SORCS3: variants seen among roughly 807,000 people sequenced by gnomAD.
The protein encoded by SORCS3 is VPS10 domain-containing receptor SorCS3.
SORCS3 carries 57 observed loss-of-function variants against 146.3 expected under a neutral mutation model. That is an observed-to-expected ratio of 0.39 (90% CI 0.31 to 0.49). The LOEUF (loss-of-function observed/expected upper bound fraction) is 0.49, where lower values mean the gene tolerates loss of function less well. Ranked by LOEUF, SORCS3 falls within the 20% of genes least tolerant of loss-of-function variation. The pLI, the probability that SORCS3 is intolerant of heterozygous loss-of-function variation, is 0.92. For missense variants in SORCS3, 1,341 were observed against 1,575.5 expected, an observed-to-expected ratio of 0.85 and a Z score of 2.52; for synonymous variants, 653 against 618.5, an observed-to-expected ratio of 1.06 and a Z score of -0.83.
chr10:105,132,878 C>T (rs2056031622), intron 7 of SORCS3, among the ~76,000 whole-genome samples: 1 of 152,182 alleles, frequency 6.6e-6, no homozygotes, highest in Non-Finnish European at 1.5e-5. Flanking sequence ...TAAAAGGTGT[C>T]ACCGAAAGGA....
At chr10:105,075,027 C>T (rs2133729218) in intron 5 of SORCS3, among the ~76,000 whole-genome samples, 1 of 152,278 alleles carries the variant, frequency 6.6e-6, no homozygotes, top group African/African-American at 2.4e-5. Context: ...CTTTTTCTTT[C>T]TTCTCCAGAA....
chr10:104,727,763 G>A (rs543751052), intron 1 of SORCS3, among the ~76,000 whole-genome samples: 1 of 152,202 alleles, frequency 6.6e-6, no homozygotes, highest in African/African-American at 2.4e-5. Context: ...GAGCATTACT[G>A]CCTAAGCTCT....
At chr10:104,680,871 CAAG>C (rs2133264726) in intron 1 of SORCS3, among the ~76,000 whole-genome samples, 1 of 152,320 alleles carries the variant, frequency 6.6e-6, no homozygotes, top group East Asian at 1.9e-4. Flanking sequence ...CAAGCACCAG[CAAG>C]AAGGAGGCAA....
At position 105,265,239 on chromosome 10, in the gene SORCS3, G is replaced by A. The variant is rs2056984971; in HGVS notation, c.*1865G>A. On this transcript the variant is annotated 3_prime_UTR_variant, in exon 27 of 27. Coordinates refer to ENST00000369701, the MANE Select transcript of SORCS3 (RefSeq NM_014978.3). ...AATAAATGTATTTTTGTACATCAAA[G>A]CTACATACGTGGCTGAGTTTTCTCT... The A allele has an allele frequency of 6.6e-6, 1 of 152,454 alleles. No homozygotes were observed. Among genetic ancestry groups the A allele is most frequent in the Non-Finnish European group, 1.5e-5 (1 of 68,038 alleles). 9.4% of individuals were successfully genotyped at this position (152,454 alleles called of 1,614,324 possible).
chr10:104,735,618 G>A (rs530825806), intron 1 of SORCS3, among the ~76,000 whole-genome samples: 48 of 151,982 alleles, frequency 3.2e-4, no homozygotes, highest in Non-Finnish European at 5.1e-4. Flanking sequence ...CCTTCCTGGC[G>A]AAAGCTTCAA....
intron 6 of SORCS3, among the ~76,000 whole-genome samples, chr10:105,104,959 A>G (rs965663379): frequency 1.3e-5 from 2 of 152,164 alleles, no homozygotes; most frequent in African/African-American, 2.4e-5. Context: ...TTTTACTACT[A>G]TGAACAATGC....
chr10:105,053,096 A>G (rs1444921660), intron 5 of SORCS3, among the ~76,000 whole-genome samples: 3 of 152,038 alleles, frequency 2.0e-5, no homozygotes, highest in African/African-American at 7.2e-5. Context: ...CATGGCAGAG[A>G]GAGAGAGGGC....
intron 2 of SORCS3, among the ~76,000 whole-genome samples, chr10:104,871,453 C>T (rs1206743127): frequency 2.0e-5 from 3 of 152,194 alleles, no homozygotes; most frequent in Admixed American, 2.0e-4. Flanking sequence ...GAGCCCTTGG[C>T]TTTTGGCCCC....
intron 5 of SORCS3, among the ~76,000 whole-genome samples, chr10:105,080,357 C>A (rs2055614966): frequency 6.6e-6 from 1 of 152,130 alleles, no homozygotes; most frequent in East Asian, 1.9e-4. Context: ...TATATATCTT[C>A]TTTTGAAAAG....
intron 4 of SORCS3, among the ~76,000 whole-genome samples, chr10:105,038,755 G>A (rs1393729353): frequency 6.6e-6 from 1 of 151,992 alleles, no homozygotes; most frequent in Admixed American, 6.6e-5. Context: ...ATCAATAAAT[G>A]CATGTTTTAT....
At chr10:105,158,823 T>G (rs2056235002) in intron 10 of SORCS3, 69 bp from the exon 11 acceptor site, 1 of 1,193,880 alleles carries the variant, frequency 8.4e-7, no homozygotes, top group Admixed American at 1.8e-5. Flanking sequence ...GGGAAGCCCA[T>G]CTCTAGTGGG....
intron 1 of SORCS3, among the ~76,000 whole-genome samples, chr10:104,657,487 A>G (rs928074228): frequency 9.2e-5 from 14 of 152,204 alleles, no homozygotes; most frequent in African/African-American, 2.9e-4. Flanking sequence ...TGCTACATAC[A>G]TGCTCAGGGA....
At chr10:104,662,356 T>C (rs1018870138) in intron 1 of SORCS3, among the ~76,000 whole-genome samples, 1 of 152,238 alleles carries the variant, frequency 6.6e-6, no homozygotes. Flanking sequence ...GCATTCAGCA[T>C]CTTGTTTAAT....
chr10:104,675,554 T>C (rs1377262704), intron 1 of SORCS3, among the ~76,000 whole-genome samples: 2 of 152,218 alleles, frequency 1.3e-5, no homozygotes, highest in African/African-American at 4.8e-5. Context: ...ATTTGTTTTA[T>C]GTGTTGAGTG....
At chr10:105,235,460 G>T (rs1185519564) in intron 20 of SORCS3, among the ~76,000 whole-genome samples, 3 of 151,036 alleles carry the variant, frequency 2.0e-5, no homozygotes, top group Non-Finnish European at 3.0e-5. Flanking sequence ...GTGTGTGTGT[G>T]TGTGTGTGTG....
intron 2 of SORCS3, among the ~76,000 whole-genome samples, chr10:104,878,041 CT>C (rs544949788): frequency 3.9e-5 from 6 of 152,050 alleles, no homozygotes; most frequent in Non-Finnish European, 8.8e-5. Context: ...TGGAATGCAA[CT>C]TTTGGGAAAT....
chr10:105,047,507 T>C (rs1279662494), intron 5 of SORCS3, among the ~76,000 whole-genome samples: 4 of 152,090 alleles, frequency 2.6e-5, no homozygotes, highest in Non-Finnish European at 5.9e-5. Flanking sequence ...TACTCTAAGG[T>C]ATCAGGAACT....
At chr10:104,782,220 T>C (rs2017381939) in intron 1 of SORCS3, among the ~76,000 whole-genome samples, 1 of 152,222 alleles carries the variant, frequency 6.6e-6, no homozygotes, top group South Asian at 2.1e-4. Flanking sequence ...TAAATCTACC[T>C]GATACTCCTG....
At chr10:104,932,024 C>T (rs1373373656) in intron 3 of SORCS3, among the ~76,000 whole-genome samples, 5 of 152,238 alleles carry the variant, frequency 3.3e-5, no homozygotes, top group East Asian at 1.9e-4. Flanking sequence ...TTAGTGTGCA[C>T]GTTAGCTCTG....
Sources: allele counts gnomAD v4.1 joint callset (sites outside exome capture counted in the v4.1 genomes callset), GRCh38; gene constraint gnomAD v4.1.1; transcripts MANE v1.5; gene names NCBI Gene and HGNC (gene_info 2026-07-23, HGNC 2026-07-21).